The following LUZP2 variants were observed in gnomAD, a reference collection of about 807,000 sequenced individuals.
The protein encoded by LUZP2 is leucine zipper protein 2.
A neutral mutation model predicts 51.6 loss-of-function variants in LUZP2; 52 were observed. That is an observed-to-expected ratio of 1.01 (90% CI 0.81 to 1.27). The LOEUF (loss-of-function observed/expected upper bound fraction) is 1.27, where lower values mean the gene tolerates loss of function less well. Among genes scored for constraint, LUZP2 ranks in the 50% most tolerant of loss-of-function variants. LUZP2 has a pLI of 0.00. For missense variants in LUZP2, 436 were observed against 395.4 expected (o/e 1.10, Z -0.87); for synonymous variants, 154 against 137.3 (o/e 1.12, Z -0.85).
chr11:24,954,449 T>C (rs1331438286), intron 7 of LUZP2, among the ~76,000 whole-genome samples: 1 of 152,092 alleles, frequency 6.6e-6, no homozygotes, highest in Non-Finnish European at 1.5e-5. Flanking sequence ...CCACTTGTGT[T>C]GTCTGTCATC....
chr11:24,721,153 T>C (rs1272618247), intron 1 of LUZP2, among the ~76,000 whole-genome samples: 1 of 152,166 alleles, frequency 6.6e-6, no homozygotes, highest in Non-Finnish European at 1.5e-5. Context: ...CATGACCAAA[T>C]GAATGACACA....
rs531097452 is a variant in LUZP2, at chr11:24,747,910, C to T, written c.333+9608C>T. Among the ~76,000 whole-genome samples the T allele has an allele frequency of 1.6e-3, 248 of 152,212 alleles. 4 individuals carry two copies. Among genetic ancestry groups the T allele is most frequent in the Non-Finnish European group, 6.9e-4 (47 of 67,998 alleles). ...GGCTGGTCTCACTCCCACCGTGTCC[C>T]CTCTAACAGCCCTAAGTCTATTTCC... is the stretch of plus-strand genomic sequence containing the variant. On this transcript the variant is annotated intron_variant, in intron 4 of 11. Coordinates refer to ENST00000336930, the MANE Select transcript of LUZP2 (RefSeq NM_001009909.4).
intron 1 of LUZP2, among the ~76,000 whole-genome samples, chr11:24,544,677 C>T (rs1851485249): frequency 1.3e-5 from 2 of 152,144 alleles, no homozygotes; most frequent in Admixed American, 1.3e-4. Context: ...TTTATTTTGT[C>T]TACCTCTGAT....
intron 1 of LUZP2, among the ~76,000 whole-genome samples, chr11:24,683,521 T>G (rs7945883): frequency 1.3e-5 from 2 of 152,232 alleles, no homozygotes; most frequent in African/African-American, 4.8e-5. Flanking sequence ...TTAATATAGA[T>G]TCTTAAATTT....
At chr11:24,701,327 AGAG>A (rs755432753) in intron 1 of LUZP2, 2 of 167,214 alleles carry the variant, frequency 1.2e-5, no homozygotes, top group Non-Finnish European at 2.9e-5. Flanking sequence ...GAATAACTCA[AGAG>A]GAGATCTTCA....
intron 9 of LUZP2, among the ~76,000 whole-genome samples, chr11:25,044,257 G>GTGTA (rs1485990610): frequency 9.0e-4 from 55 of 60,776 alleles, no homozygotes; most frequent in African/African-American, 2.7e-3. Context: ...GTGTGTGTGT[G>GTGTA]TATATATATA....
At chr11:24,941,479 A>G (rs1854744848) in intron 7 of LUZP2, among the ~76,000 whole-genome samples, 1 of 152,176 alleles carries the variant, frequency 6.6e-6, no homozygotes, top group Non-Finnish European at 1.5e-5. Context: ...CAACAGATGA[A>G]TTCAACAGAT....
intron 1 of LUZP2, among the ~76,000 whole-genome samples, chr11:24,599,102 C>G (rs1590223372): frequency 6.6e-6 from 1 of 152,156 alleles, no homozygotes; most frequent in Middle Eastern, 3.4e-3. Context: ...CTGTCAAATG[C>G]TGAACCTCCC....
chr11:24,922,050 A>C (rs1444443068), intron 7 of LUZP2, among the ~76,000 whole-genome samples: 1 of 150,856 alleles, frequency 6.6e-6, no homozygotes, highest in Non-Finnish European at 1.5e-5. Flanking sequence ...CATGGATATT[A>C]ATTATTTTTT....
intron 5 of LUZP2, among the ~76,000 whole-genome samples, chr11:24,778,690 T>C (rs1197458428): frequency 6.6e-6 from 1 of 152,060 alleles, no homozygotes; most frequent in African/African-American, 2.4e-5. Flanking sequence ...GAAGGAAAGA[T>C]GAGAAAAGAA....
intron 5 of LUZP2, among the ~76,000 whole-genome samples, chr11:24,820,894 T>G (rs546049496): frequency 6.6e-4 from 101 of 152,138 alleles, no homozygotes; most frequent in Non-Finnish European, 1.2e-3. Context: ...AGAGACTTTT[T>G]TGATGTTCAA....
At chr11:25,011,644 A>G (rs1177037504) in intron 9 of LUZP2, among the ~76,000 whole-genome samples, 1 of 152,142 alleles carries the variant, frequency 6.6e-6, no homozygotes, top group Non-Finnish European at 1.5e-5. Flanking sequence ...TGGTGGTACA[A>G]TGACTATATT....
chr11:25,005,472 G>C (rs757655599), intron 9 of LUZP2, among the ~76,000 whole-genome samples: 1 of 151,966 alleles, frequency 6.6e-6, no homozygotes, highest in Non-Finnish European at 1.5e-5. Flanking sequence ...AGAATATTGG[G>C]GCCAGGCCAT....
At chr11:24,740,134 T>A (rs1859080738) in intron 4 of LUZP2, among the ~76,000 whole-genome samples, 1 of 152,140 alleles carries the variant, frequency 6.6e-6, no homozygotes, top group African/African-American at 2.4e-5. Context: ...CAGACTATTT[T>A]CTCTGGTTCT....
chr11:24,702,430 A>G, intron 1 of LUZP2, among the ~76,000 whole-genome samples: 1 of 152,184 alleles, frequency 6.6e-6, no homozygotes, highest in Admixed American at 6.5e-5. Context: ...TGATTAGCTC[A>G]TGGTTCTTCA....
intron 1 of LUZP2, among the ~76,000 whole-genome samples, chr11:24,598,942 C>T (rs373635287): frequency 6.6e-5 from 10 of 152,114 alleles, no homozygotes; most frequent in Admixed American, 5.2e-4. Flanking sequence ...TCTATTCAAA[C>T]GGCCAAATGT....
At chr11:25,018,776 T>G (rs1206778558) in intron 9 of LUZP2, among the ~76,000 whole-genome samples, 1 of 151,864 alleles carries the variant, frequency 6.6e-6, no homozygotes, top group Non-Finnish European at 1.5e-5. Flanking sequence ...CCTGGCTAAG[T>G]TTTGTATTTT....
chr11:24,983,231 C>G lies in LUZP2; in HGVS notation c.703C>G (p.Arg235Gly). ...PLSLITSNPT[R>G]MLLPPRNIAS... is the part of the protein sequence containing the mutation. Reference sequence around the variant, plus strand: ...GAGTTTAATCACATCAAATCCAACTCGGATGTTACTCCCACCCAGGAATAT... The same window carrying G: ...GAGTTTAATCACATCAAATCCAACTGGGATGTTACTCCCACCCAGGAATAT... The change falls in exon 9 of 12, where the codon CGG becomes GGG. Residue 235 changes from arginine (R) to glycine (G), a missense_variant. Physicochemically the swap from Arg to Gly is moderately radical, Grantham distance 125. Coordinates refer to ENST00000336930, the MANE Select transcript of LUZP2 (RefSeq NM_001009909.4). 6.2e-7 allele frequency: 1 copy of G among 1,612,228 alleles called. No homozygotes were observed. Among genetic ancestry groups the G allele is most frequent in the South Asian group, 1.1e-5 (1 of 91,028 alleles).
intron 5 of LUZP2, among the ~76,000 whole-genome samples, chr11:24,824,473 C>T (rs970299297): frequency 9.4e-5 from 14 of 149,008 alleles, no homozygotes; most frequent in African/African-American, 2.5e-4. Flanking sequence ...GAGAAGGAAC[C>T]GTCAAGACAA....
Sources: gnomAD v4.1 joint callset for allele counts (sites outside exome capture counted in the v4.1 genomes callset) on GRCh38, gnomAD v4.1.1 for gene constraint, MANE v1.5 for transcripts, NCBI Gene and HGNC (gene_info 2026-07-23, HGNC 2026-07-21) for gene names.